Variants in TRIM71 observed in about 807,000 individuals in gnomAD.
The protein encoded by TRIM71 is E3 ubiquitin-protein ligase TRIM71.
In TRIM71, 9 loss-of-function variants were observed where a neutral mutation model predicts 61.2. The observed-to-expected ratio is 0.15, with a 90% CI of 0.09 to 0.26. The LOEUF is 0.26. TRIM71 is among the 10% of genes least tolerant of loss of function. The probability of loss-of-function intolerance (pLI) is 1.00; values close to 1 mark genes in which losing one functional copy is unlikely to be tolerated. For synonymous variants in TRIM71, 645 were observed against 553.2 expected (o/e 1.17, Z -2.33); for missense variants, 998 against 1,238.7 (o/e 0.81, Z 2.92).
intron 1 of TRIM71, among the ~76,000 whole-genome samples, chr3:32,826,462 G>C (rs1696202629): frequency 6.6e-6 from 1 of 151,630 alleles, no homozygotes; most frequent in Non-Finnish European, 1.5e-5. Context: ...ATCCAAACCT[G>C]AGTTTTAGAG....
chr3:32,860,123 C>T (rs559087597), intron 1 of TRIM71, among the ~76,000 whole-genome samples: 9 of 145,758 alleles, frequency 6.2e-5, no homozygotes, highest in African/African-American at 2.0e-4. Flanking sequence ...CTCTCCTCTC[C>T]TCCCCTCCCC....
chr3:32,890,719 C>T lies in TRIM71; in HGVS notation c.1515C>T (p.Phe505=). 2 of 1,614,106 alleles carry T rather than the reference C, an allele frequency of 1.2e-6. No individual in the cohort carries two copies. The highest frequency in any genetic ancestry group is 1.7e-6 in the Non-Finnish European group (2 of 1,180,018). The change falls in exon 4 of 4, where the codon TTC becomes TTT. Residue 505 remains phenylalanine (F), a synonymous_variant. Transcript: ENST00000383763. The surrounding 1 kb of genome is among the most constrained non-coding windows in gnomAD (Gnocchi z 6.2). ...KRALQGKVAS[F]TVIGYDHDGE... is the part of the protein sequence containing the mutation. Reference sequence around the variant, plus strand: ...CCCTCCAGGGTAAGGTGGCCTCCTTCACAGTCATTGGTTATGACCACGATG... The same window carrying T: ...CCCTCCAGGGTAAGGTGGCCTCCTTTACAGTCATTGGTTATGACCACGATG...
intron 2 of TRIM71, among the ~76,000 whole-genome samples, chr3:32,877,680 A>G (rs1409845120): frequency 1.3e-5 from 2 of 152,130 alleles, no homozygotes; most frequent in Non-Finnish European, 2.9e-5. Flanking sequence ...AAAATGTGAC[A>G]CAAGTCTTCA....
chr3:32,832,938 C>T (rs539436702), intron 1 of TRIM71, among the ~76,000 whole-genome samples: 6 of 151,962 alleles, frequency 3.9e-5, no homozygotes, highest in Admixed American at 1.3e-4. Context: ...CTTTGGATGC[C>T]GAGGCAGGTG....
intron 1 of TRIM71, among the ~76,000 whole-genome samples, chr3:32,853,747 C>A (rs1396036780): frequency 6.6e-6 from 1 of 152,184 alleles, no homozygotes; most frequent in Non-Finnish European, 1.5e-5. Flanking sequence ...TGGCTCACGC[C>A]TGTGATCCCA....
At chr3:32,870,191 C>T (rs1175105713) in intron 1 of TRIM71, among the ~76,000 whole-genome samples, 1 of 152,162 alleles carries the variant, frequency 6.6e-6, no homozygotes, top group Admixed American at 6.5e-5. Context: ...CTAAATGAAG[C>T]ATGAAATCCT....
chr3:32,885,843 T>G (rs1696955783), intron 2 of TRIM71, 91 bp from the exon 3 acceptor site: 7 of 1,504,270 alleles, frequency 4.7e-6, no homozygotes, highest in Non-Finnish European at 6.2e-6. Flanking sequence ...GGGTGTCAGC[T>G]TTTCAAGTCT....
rs1317904870 is a variant in TRIM71, at chr3:32,895,341, T to C, written c.*3530T>C. On this transcript the variant is annotated 3_prime_UTR_variant, in exon 4 of 4. Transcript: ENST00000383763. ...TCCAAATTACGTGTTGGGCCAAAAA[T>C]GTTGCCAGAACTGAGGCACTTTGTG... The C allele has an allele frequency of 6.6e-6, 1 of 152,282 alleles. No individual in the cohort carries two copies. Among genetic ancestry groups the C allele is most frequent in the African/African-American group, 2.4e-5 (1 of 41,548 alleles). 9.4% of individuals were successfully genotyped at this position (152,282 alleles called of 1,614,324 possible).
In TRIM71 at chr3:32,891,623, C is replaced by G; in HGVS notation, c.2419C>G (p.Arg807Gly). ...AGGGGTAGCTGTGGACCAGGAAGGG[C>G]GCATCATTGTGGCGGATTCCAGGAA... ...PQGVAVDQEG[R>G]IIVADSRNHR... The change falls in exon 4 of 4, where the codon CGC (arginine) becomes GGC (glycine). Residue 807 changes from arginine to glycine, a missense_variant. Around this residue, in one of 5 missense-constraint regions of TRIM71, gnomAD observed 95 missense variants for 159.0 expected, o/e 0.60. Coordinates refer to ENST00000383763, the MANE Select transcript of TRIM71 (RefSeq NM_001039111.3). The surrounding 1 kb of genome is among the most constrained non-coding windows in gnomAD (Gnocchi z 8.2). The G allele has an allele frequency of 6.2e-7, 1 of 1,613,104 alleles. No individual in the cohort carries two copies. Among genetic ancestry groups the G allele is most frequent in the Non-Finnish European group, 8.5e-7 (1 of 1,179,370 alleles).
Position 32,895,043 on chromosome 3 carries a change from T to C in TRIM71, c.*3232T>C, listed in dbSNP as rs1419431533. The stretch of plus-strand genomic sequence containing the variant: ...TGTGGAGATGCCCATTGGGTTTGGA[T>C]ATATAGGTTTGAGTATTGAGATGTT... On this transcript the variant is annotated 3_prime_UTR_variant, in exon 4 of 4. Coordinates refer to ENST00000383763, the MANE Select transcript of TRIM71 (RefSeq NM_001039111.3). 2 of 152,170 alleles carry C rather than the reference T, an allele frequency of 1.3e-5. No homozygotes were observed. The highest frequency in any genetic ancestry group is 1.9e-4 in the East Asian group (1 of 5,196). 9.4% of individuals were successfully genotyped at this position (152,170 alleles called of 1,614,324 possible).
At chr3:32,889,385 C>T (rs1696997314) in intron 3 of TRIM71, among the ~76,000 whole-genome samples, 2 of 152,144 alleles carry the variant, frequency 1.3e-5, no homozygotes, top group African/African-American at 4.8e-5. Context: ...TCAAGTGATT[C>T]TTCCACCTCA....
At chr3:32,856,712 C>T (rs915618668) in intron 1 of TRIM71, among the ~76,000 whole-genome samples, 25 of 152,326 alleles carry the variant, frequency 1.6e-4, no homozygotes, top group African/African-American at 6.0e-4. Context: ...TTCTTTTCAA[C>T]GAGCAAACAA....
In TRIM71 at chr3:32,886,080, A is replaced by C. The variant is rs1174859403; in HGVS notation, c.1155+12A>C. The C allele has an allele frequency of 1.2e-6, 2 of 1,608,876 alleles. No homozygotes were observed. Among genetic ancestry groups the C allele is most frequent in the Non-Finnish European group, 1.7e-6 (2 of 1,177,582 alleles). ...AGCTGCTGTGGAAGGTAACAGGGAG[A>C]GCTCCCCCACCCAGGCTGTGCCCAC... On this transcript the variant is annotated intron_variant, in intron 3 of 3. Transcript: ENST00000383763.
intron 1 of TRIM71, among the ~76,000 whole-genome samples, chr3:32,868,124 C>T (rs934411054): frequency 6.6e-6 from 1 of 152,070 alleles, no homozygotes; most frequent in Non-Finnish European, 1.5e-5. Flanking sequence ...CAAAGCCTTC[C>T]ACCCAAGCAG....
At chr3:32,849,466 C>T (rs917133882) in intron 1 of TRIM71, among the ~76,000 whole-genome samples, 11 of 152,122 alleles carry the variant, frequency 7.2e-5, no homozygotes, top group Admixed American at 2.6e-4. Context: ...TCAAGCAGTT[C>T]TCCTGCCTCA....
chr3:32,828,344 T>C (rs992052741), intron 1 of TRIM71, among the ~76,000 whole-genome samples: 22 of 152,154 alleles, frequency 1.4e-4, no homozygotes, highest in Admixed American at 1.2e-3. Context: ...GTGTCTATTA[T>C]TTGGCTTTGC....
chr3:32,883,248 T>G (rs750658022), intron 2 of TRIM71, among the ~76,000 whole-genome samples: 3 of 152,254 alleles, frequency 2.0e-5, no homozygotes, highest in Non-Finnish European at 2.9e-5. Flanking sequence ...ATTTTTTAAC[T>G]TTTAGGTAAT....
intron 1 of TRIM71, among the ~76,000 whole-genome samples, chr3:32,836,356 T>C (rs1380930132): frequency 6.6e-6 from 1 of 151,998 alleles, no homozygotes; most frequent in Non-Finnish European, 1.5e-5. Flanking sequence ...GCCATTTGAG[T>C]TTTCCTCCTG....
chr3:32,893,745 C>G lies in TRIM71; in HGVS notation c.*1934C>G, dbSNP rs1020194625. The G allele has an allele frequency of 2.6e-4, 40 of 152,014 alleles. No individual in the cohort carries two copies. Among genetic ancestry groups the G allele is most frequent in the African/African-American group, 9.2e-4 (38 of 41,430 alleles). The allele number at this position is 152,014 out of a possible 1,614,324, so 9.4% of individuals were successfully genotyped here. The stretch of plus-strand genomic sequence containing the variant: ...GATGGGGACAGTGTGACAAGTCAAT[C>G]AAGTTGCTTTTCCCGTACACCTCTT... On this transcript the variant is annotated 3_prime_UTR_variant, in exon 4 of 4. Transcript: ENST00000383763.
Sources: gnomAD v4.1 joint callset for allele counts (sites outside exome capture counted in the v4.1 genomes callset) on GRCh38, gnomAD v4.1.1 for gene constraint, gnomAD v4.1.1 regional missense constraint, Gnocchi (gnomAD v3.1) non-coding constraint, MANE v1.5 for transcripts, NCBI Gene and HGNC (gene_info 2026-07-23, HGNC 2026-07-21) for gene names.